Variants in NTM observed in about 807,000 individuals in gnomAD.
NTM encodes the protein IgLON family member 2.
NTM carries 13 observed loss-of-function variants against 42.1 expected under a neutral mutation model. That is an observed-to-expected ratio of 0.31 (90% CI 0.20 to 0.49). NTM has a LOEUF of 0.49. NTM is among the 20% of genes least tolerant of loss of function. The probability of loss-of-function intolerance (pLI) is 0.99; values close to 1 mark genes in which losing one functional copy is unlikely to be tolerated. For missense variants in NTM, 373 were observed against 452.8 expected (o/e 0.82, Z 1.60); for synonymous variants, 187 against 179.2 (o/e 1.04, Z -0.35).
chr11:132,094,165 G>A (rs552604444), intron 2 of NTM, among the ~76,000 whole-genome samples: 32 of 152,328 alleles, frequency 2.1e-4, no homozygotes, highest in African/African-American at 7.2e-4. Flanking sequence ...TTTTATCTAG[G>A]TTATAGTTCA....
chr11:131,672,440 C>T (rs2070481235), intron 1 of NTM, among the ~76,000 whole-genome samples: 1 of 152,190 alleles, frequency 6.6e-6, no homozygotes, highest in Admixed American at 6.5e-5. Context: ...CGCTGTGTGG[C>T]TCTGCAGCTC....
At chr11:132,290,745 TA>T (rs1246363014) in intron 4 of NTM, among the ~76,000 whole-genome samples, 1 of 152,166 alleles carries the variant, frequency 6.6e-6, no homozygotes, top group African/African-American at 2.4e-5. Context: ...TTACCATTTT[TA>T]AAAAGCACCA....
intron 2 of NTM, among the ~76,000 whole-genome samples, chr11:132,074,026 C>T (rs2058047158): frequency 6.6e-6 from 1 of 152,212 alleles, no homozygotes; most frequent in Non-Finnish European, 1.5e-5. Flanking sequence ...TTCTAATTGG[C>T]TGAGGATGAG....
At chr11:132,307,923 G>A in intron 5 of NTM, 100 bp downstream of exon 5, 1 of 1,182,886 alleles carries the variant, frequency 8.5e-7, no homozygotes, top group Non-Finnish European at 1.2e-6. Flanking sequence ...TACTGACTTA[G>A]GGTGGGAAGA....
chr11:131,596,821 G>A (rs138181300), intron 1 of NTM, among the ~76,000 whole-genome samples: 4 of 152,232 alleles, frequency 2.6e-5, no homozygotes, highest in East Asian at 1.9e-4. Context: ...ATATATATAC[G>A]TATATGAGTT....
At chr11:131,572,747 G>C (rs2057568557) in intron 1 of NTM, among the ~76,000 whole-genome samples, 1 of 152,302 alleles carries the variant, frequency 6.6e-6, no homozygotes, top group Admixed American at 6.5e-5. Context: ...GGCGTGATTT[G>C]CACTTTCAGG....
At chr11:131,460,908 G>T (rs35507837) in intron 1 of NTM, among the ~76,000 whole-genome samples, 20,953 of 152,224 alleles carry the variant, frequency 0.14, 1,558 homozygotes, top group Non-Finnish European at 0.16. Flanking sequence ...GAGCAACAGT[G>T]TTGCAGAGGA....
chr11:132,152,330 C>T (rs564061198), intron 3 of NTM, among the ~76,000 whole-genome samples: 2 of 152,158 alleles, frequency 1.3e-5, no homozygotes, highest in Non-Finnish European at 2.9e-5. Context: ...TGATCCAATT[C>T]GAAATAGACT....
chr11:131,496,699 G>A (rs1955381849), intron 1 of NTM, among the ~76,000 whole-genome samples: 2 of 152,216 alleles, frequency 1.3e-5, no homozygotes, highest in South Asian at 4.1e-4. Flanking sequence ...GTTCAATAAT[G>A]CATTCAATAA....
At chr11:131,991,169 T>C (rs2066950266) in intron 2 of NTM, among the ~76,000 whole-genome samples, 1 of 152,232 alleles carries the variant, frequency 6.6e-6, no homozygotes, top group Non-Finnish European at 1.5e-5. Context: ...CTTTGATAGA[T>C]AGCCTTGAAA....
chr11:132,219,871 A>C (rs1025964472), intron 4 of NTM, among the ~76,000 whole-genome samples: 1 of 151,928 alleles, frequency 6.6e-6, no homozygotes, highest in African/African-American at 2.4e-5. Flanking sequence ...AACTCAAGTT[A>C]TTTTTTTTCT....
At chr11:131,523,635 CAA>C (rs2050049513) in intron 1 of NTM, among the ~76,000 whole-genome samples, 1 of 151,822 alleles carries the variant, frequency 6.6e-6, no homozygotes, top group South Asian at 2.1e-4. Context: ...ACTAAAAACA[CAA>C]AAATTAGCCA....
At chr11:132,330,319 A>G in intron 8 of NTM, 134 bp downstream of exon 8, 1 of 920,242 alleles carries the variant, frequency 1.1e-6, no homozygotes, top group Admixed American at 2.7e-5. Flanking sequence ...CCCAACCTTC[A>G]ACCATCTCCG....
intron 4 of NTM, among the ~76,000 whole-genome samples, chr11:132,262,050 A>C (rs773762614): frequency 5.3e-5 from 8 of 152,202 alleles, no homozygotes; most frequent in Non-Finnish European, 1.2e-4. Context: ...GCATTCAGCT[A>C]TCTGTTTTAC....
chr11:131,923,647 A>G (rs916805878), intron 2 of NTM, among the ~76,000 whole-genome samples: 3 of 152,216 alleles, frequency 2.0e-5, no homozygotes, highest in African/African-American at 7.2e-5. Context: ...ACTGGAGAAT[A>G]AGGATTATTC....
At chr11:131,903,970 G>C (rs558052520) in intron 1 of NTM, among the ~76,000 whole-genome samples, 6 of 152,216 alleles carry the variant, frequency 3.9e-5, no homozygotes, top group South Asian at 4.1e-4. Context: ...AAACAAAGGA[G>C]CTAAAAATTC....
At chr11:131,458,780 T>C (rs1213525086) in intron 1 of NTM, among the ~76,000 whole-genome samples, 2 of 152,340 alleles carry the variant, frequency 1.3e-5, no homozygotes, top group Admixed American at 6.5e-5. Flanking sequence ...GCTGGAGCAA[T>C]GGTTTGCAAA....
chr11:131,958,106 A>G (rs2061751640), intron 2 of NTM, among the ~76,000 whole-genome samples: 2 of 152,344 alleles, frequency 1.3e-5, no homozygotes, highest in South Asian at 2.1e-4. Context: ...TTCCTTTAGC[A>G]GAAACCTTGT....
chr11:132,218,190 C>G (rs1022858342), intron 4 of NTM, among the ~76,000 whole-genome samples: 1 of 152,120 alleles, frequency 6.6e-6, no homozygotes, highest in Non-Finnish European at 1.5e-5. Flanking sequence ...CAAAGAGGAG[C>G]TGGGGAGGGG....
Sources: gnomAD v4.1 joint callset for allele counts (sites outside exome capture counted in the v4.1 genomes callset) on GRCh38, gnomAD v4.1.1 for gene constraint, MANE v1.5 for transcripts, NCBI Gene and HGNC (gene_info 2026-07-23, HGNC 2026-07-21) for gene names.